The following EYA1 variants were observed in gnomAD, a reference collection of about 807,000 sequenced individuals.
The protein encoded by EYA1 is protein phosphatase EYA1.
EYA1 carries 16 observed loss-of-function variants against 82.0 expected under a neutral mutation model. That is an observed-to-expected ratio of 0.20 (90% CI 0.13 to 0.30). EYA1 has a LOEUF of 0.30. Among genes scored for constraint, EYA1 ranks in the 10% least tolerant of loss-of-function variants. The pLI is 1.00. For missense variants in EYA1, 633 were observed against 730.7 expected, an observed-to-expected ratio of 0.87 and a Z score of 1.54; for synonymous variants, 261 against 264.4, an observed-to-expected ratio of 0.99 and a Z score of 0.12.
At chr8:71,249,312 T>C (rs1340031735) in intron 11 of EYA1, among the ~76,000 whole-genome samples, 1 of 152,060 alleles carries the variant, frequency 6.6e-6, no homozygotes, top group African/African-American at 2.4e-5. Context: ...GACTGGGTAA[T>C]TTATAAAGAA....
chr8:71,501,713 A>T (rs1320823852), intron 2 of EYA1, among the ~76,000 whole-genome samples: 1 of 152,234 alleles, frequency 6.6e-6, no homozygotes, highest in Non-Finnish European at 1.5e-5. Flanking sequence ...CCTCGGCTAC[A>T]CAAAGTCAGG....
chr8:71,348,292 T>C (rs565963933), intron 3 of EYA1, among the ~76,000 whole-genome samples: 1 of 152,310 alleles, frequency 6.6e-6, no homozygotes, highest in South Asian at 2.1e-4. Context: ...CAGGAATTAC[T>C]TAAAAGCAGG....
intron 4 of EYA1, among the ~76,000 whole-genome samples, chr8:71,331,624 A>T (rs552412234): frequency 8.5e-5 from 13 of 152,172 alleles, no homozygotes; most frequent in African/African-American, 3.1e-4. Context: ...ACACAGGCCC[A>T]TATATGTACA....
intron 2 of EYA1, among the ~76,000 whole-genome samples, chr8:71,470,230 T>G (rs1809082323): frequency 6.6e-6 from 1 of 152,104 alleles, no homozygotes; most frequent in South Asian, 2.1e-4. Flanking sequence ...AGTAGGATTT[T>G]AAAGAATAAA....
chr8:71,243,491 C>A (rs1361405426), intron 12 of EYA1, among the ~76,000 whole-genome samples: 1 of 152,044 alleles, frequency 6.6e-6, no homozygotes, highest in Admixed American at 6.6e-5. Flanking sequence ...TTGTATTTTA[C>A]CCTTAAGTGT....
At chr8:71,449,320 G>A (rs533876466) in intron 2 of EYA1, 1 of 152,414 alleles carries the variant, frequency 6.6e-6, no homozygotes, top group South Asian at 2.1e-4. Context: ...AACAAGACTT[G>A]AAAGTTGAAA....
intron 17 of EYA1, among the ~76,000 whole-genome samples, chr8:71,207,720 T>G (rs568585581): frequency 3.9e-4 from 60 of 152,322 alleles, no homozygotes; most frequent in Non-Finnish European, 7.2e-4. Context: ...CTATATTTAA[T>G]TTTATTCTGT....
chr8:71,218,829 T>C lies in EYA1; in HGVS notation c.1141-1806A>G, dbSNP rs1359242844. Among the ~76,000 whole-genome samples, 12 of 139,788 alleles carry C rather than the reference T, an allele frequency of 8.6e-5. No individual in the cohort carries two copies. The East Asian group carries it at 2.3e-3, about 27-fold the overall frequency. 91.7% of individuals were successfully genotyped at this position (139,788 alleles called of 152,430 possible). A position where few individuals can be genotyped will look rare whatever the true frequency, so the allele number is the denominator to read the frequency against. On this transcript the variant is annotated intron_variant, in intron 12 of 17. Coordinates refer to ENST00000340726, the MANE Select transcript of EYA1 (RefSeq NM_000503.6). ...TAGAGCGTGTGGTTAGCGTTGGGGG[T>C]GGGGGGAGAGGGGAAGGCCATAGCG...
At chr8:71,257,959 G>A (rs1434751067) in intron 11 of EYA1, among the ~76,000 whole-genome samples, 1 of 151,684 alleles carries the variant, frequency 6.6e-6, no homozygotes, top group Non-Finnish European at 1.5e-5. Context: ...GCTATTTCTT[G>A]CTAGTTAAAT....
intron 2 of EYA1, among the ~76,000 whole-genome samples, chr8:71,454,603 G>A (rs968721199): frequency 6.6e-6 from 1 of 152,174 alleles, no homozygotes; most frequent in African/African-American, 2.4e-5. Flanking sequence ...CTAGAACTCA[G>A]GGTTAAGAAA....
upstream of EYA1, among the ~76,000 whole-genome samples, chr8:71,364,965 T>A (rs1047023096): frequency 7.6e-6 from 1 of 131,568 alleles, no homozygotes; most frequent in Non-Finnish European, 1.6e-5. Flanking sequence ...TATATATATA[T>A]ATATATATAT....
intron 2 of EYA1, among the ~76,000 whole-genome samples, chr8:71,400,776 C>T (rs1311782186): frequency 1.3e-5 from 2 of 152,166 alleles, no homozygotes; most frequent in Non-Finnish European, 2.9e-5. Flanking sequence ...CCTATCAATC[C>T]TATTACTGGG....
intron 2 of EYA1, among the ~76,000 whole-genome samples, chr8:71,514,634 A>C (rs992649872): frequency 6.6e-6 from 1 of 152,144 alleles, no homozygotes; most frequent in African/African-American, 2.4e-5. Context: ...AGAAACCCCA[A>C]TAAACCCACC....
chr8:71,402,738 T>A (rs1457978802), intron 2 of EYA1, among the ~76,000 whole-genome samples: 1 of 152,134 alleles, frequency 6.6e-6, no homozygotes, highest in Admixed American at 6.6e-5. Flanking sequence ...TAAAATGGTA[T>A]GCTTTTGGCA....
chr8:71,318,153 C>T (rs1229994943), intron 6 of EYA1, among the ~76,000 whole-genome samples: 1 of 151,996 alleles, frequency 6.6e-6, no homozygotes, highest in African/African-American at 2.4e-5. Flanking sequence ...GTATTTTTCC[C>T]TCCTTTACTC....
chr8:71,490,576 A>G (rs552454578), intron 2 of EYA1, among the ~76,000 whole-genome samples: 1 of 152,344 alleles, frequency 6.6e-6, no homozygotes, highest in Non-Finnish European at 1.5e-5. Flanking sequence ...GATGGATGTT[A>G]TTTGAGAAAA....
intron 4 of EYA1, among the ~76,000 whole-genome samples, chr8:71,333,048 A>G (rs971606533): frequency 6.6e-6 from 1 of 152,128 alleles, no homozygotes; most frequent in Non-Finnish European, 1.5e-5. Context: ...TGCATCATCA[A>G]ACTGTACTGT....
chr8:71,381,079 A>ATATCAAAGAT (rs1828674898), intron 2 of EYA1, among the ~76,000 whole-genome samples: 1 of 152,192 alleles, frequency 6.6e-6, no homozygotes, highest in Non-Finnish European at 1.5e-5. Flanking sequence ...AAAATCAAAG[A>ATATCAAAGAT]TATCAAAGAT....
chr8:71,526,977 C>A (rs1240334469), intron 2 of EYA1, among the ~76,000 whole-genome samples: 1 of 152,114 alleles, frequency 6.6e-6, no homozygotes, highest in Non-Finnish European at 1.5e-5. Context: ...CTATTCTAGG[C>A]ATGTTTTAAA....
Sources: gnomAD v4.1 joint callset for allele counts (sites outside exome capture counted in the v4.1 genomes callset) on GRCh38, gnomAD v4.1.1 for gene constraint, MANE v1.5 for transcripts, NCBI Gene and HGNC (gene_info 2026-07-23, HGNC 2026-07-21) for gene names.